AZI2: variants seen among roughly 807,000 people sequenced by gnomAD.
The protein encoded by AZI2 is 5-azacytidine induced 2, also known as 5-azacytidine-induced protein 2.
AZI2 carries 22 observed loss-of-function variants against 45.8 expected under a neutral mutation model. The observed-to-expected ratio is 0.48, with a 90% CI of 0.34 to 0.69. The LOEUF (loss-of-function observed/expected upper bound fraction) is 0.69, where lower values mean the gene tolerates loss of function less well. AZI2 is among the 30% of genes least tolerant of loss of function. The probability of loss-of-function intolerance (pLI) is 0.01; values close to 1 mark genes in which losing one functional copy is unlikely to be tolerated. For missense variants in AZI2, 417 were observed against 441.5 expected, an observed-to-expected ratio of 0.94 and a Z score of 0.50; for synonymous variants, 137 against 156.7, an observed-to-expected ratio of 0.87 and a Z score of 0.94.
chr3:28,333,168 T>C (rs151252876), intron 5 of AZI2, among the ~76,000 whole-genome samples: 1 of 151,806 alleles, frequency 6.6e-6, no homozygotes, highest in African/African-American at 2.4e-5. Context: ...AATTTTAATT[T>C]TATTATTTCT....
intron 6 of AZI2, among the ~76,000 whole-genome samples, chr3:28,328,190 G>A (rs1703450997): frequency 6.6e-6 from 1 of 150,892 alleles, no homozygotes; most frequent in Admixed American, 6.6e-5. Flanking sequence ...GTTTTTAATA[G>A]GTGTCAAATA....
intron 1 of AZI2, among the ~76,000 whole-genome samples, chr3:28,346,918 G>C (rs1380649557): frequency 6.6e-6 from 1 of 152,040 alleles, no homozygotes; most frequent in Non-Finnish European, 1.5e-5. Context: ...ACAATATGAA[G>C]AAAAACTCCA....
chr3:28,335,113 T>G (rs1703737871), intron 5 of AZI2, among the ~76,000 whole-genome samples: 1 of 151,982 alleles, frequency 6.6e-6, no homozygotes, highest in Non-Finnish European at 1.5e-5. Flanking sequence ...TAATTTAACC[T>G]TCATGAAAAA....
intron 7 of AZI2, 105 bp downstream of exon 7, chr3:28,326,727 G>T: frequency 1.1e-6 from 1 of 880,804 alleles, no homozygotes. Flanking sequence ...TATATACTTT[G>T]GCTTATCAAT....
chr3:28,343,645 C>T (rs963107199), intron 1 of AZI2, among the ~76,000 whole-genome samples: 2 of 151,960 alleles, frequency 1.3e-5, no homozygotes, highest in Non-Finnish European at 2.9e-5. Flanking sequence ...AAAATCTTAT[C>T]AAACTCATCT....
intron 7 of AZI2, 49 bp from the exon 8 acceptor site, chr3:28,324,503 C>A: frequency 7.2e-7 from 1 of 1,388,982 alleles, no homozygotes; most frequent in South Asian, 2.1e-5. Flanking sequence ...CATTTGTGAT[C>A]ATAAAATTCG....
intron 7 of AZI2, 76 bp downstream of exon 7, chr3:28,326,756 T>C (rs759289220): frequency 9.2e-7 from 1 of 1,082,582 alleles, no homozygotes; most frequent in South Asian, 1.3e-5. Flanking sequence ...TGATGAGATT[T>C]TGATAAGATA....
chr3:28,338,503 A>G lies in AZI2; in HGVS notation c.329T>C (p.Leu110Pro), dbSNP rs1346286545. ...CIDRDNLKSK[L>P]DKMNKDNSES... is the part of the protein sequence containing the mutation. The stretch of plus-strand genomic sequence containing the variant: ...TTCAAATCAACTTACCATTTTGTCC[A>G]GTTTGCTCTTCAAATTATCTCTATC... Residue 110 changes from leucine (L) to proline (P), a missense_variant, in exon 3 of 8, where the codon CTG becomes CCG. Coordinates refer to ENST00000479665, the MANE Select transcript of AZI2 (RefSeq NM_022461.5). 3.2e-6 allele frequency: 5 copies of G among 1,570,898 alleles called. No individual in the cohort carries two copies. Among genetic ancestry groups the G allele is most frequent in the Middle Eastern group, 1.7e-4 (1 of 5,902 alleles).
chr3:28,329,177 G>A (rs7643610), intron 6 of AZI2, among the ~76,000 whole-genome samples: 1 of 151,044 alleles, frequency 6.6e-6, no homozygotes, highest in Non-Finnish European at 1.5e-5. Flanking sequence ...AATAATGATG[G>A]CTGAGCACTT....
At chr3:28,326,809 G>T in intron 7 of AZI2, 23 bp downstream of exon 7, 1 of 1,554,198 alleles carries the variant, frequency 6.4e-7, no homozygotes. Context: ...GGAATCAGTG[G>T]TTTCCGGTAA....
At chr3:28,338,133 T>C in intron 3 of AZI2, 97 bp from the exon 4 acceptor site, 1 of 609,340 alleles carries the variant, frequency 1.6e-6, no homozygotes, top group Non-Finnish European at 2.5e-6. Context: ...CACATTCTTG[T>C]CTTTAAAAGC....
At chr3:28,328,491 GAA>G (rs960235484) in intron 6 of AZI2, among the ~76,000 whole-genome samples, 1 of 151,092 alleles carries the variant, frequency 6.6e-6, no homozygotes, top group African/African-American at 2.4e-5. Flanking sequence ...TTAGAGAAAA[GAA>G]GAGCAAATAC....
rs1048763786 is a variant in AZI2 at position 28,336,802 on chromosome 3, C to T, written c.523G>A (p.Glu175Lys). Residue 175 changes from glutamate to lysine, a missense_variant, in exon 5 of 8, where the codon GAG becomes AAG. Transcript: ENST00000479665. The part of the protein sequence containing the change: ...CDLKIHGLEQ[E>K]LELMRKECSD... ...CATTCTTTCCTCATCAGTTCCAGCT[C>T]TTGTTCCAAACCATGGATCTTCAGG... 9 of 1,613,310 alleles carry T rather than the reference C, an allele frequency of 5.6e-6. No homozygotes were observed. The highest frequency in any genetic ancestry group is 7.6e-6 in the Non-Finnish European group (9 of 1,179,660).
intron 1 of AZI2, among the ~76,000 whole-genome samples, chr3:28,343,717 T>C (rs886597133): frequency 6.6e-6 from 1 of 152,002 alleles, no homozygotes; most frequent in South Asian, 2.1e-4. Flanking sequence ...ACTTAATTAG[T>C]ATGAACCAGG....
chr3:28,339,226 C>A (rs1703917531), intron 2 of AZI2, among the ~76,000 whole-genome samples: 1 of 152,118 alleles, frequency 6.6e-6, no homozygotes, highest in Non-Finnish European at 1.5e-5. Context: ...AATCCACCCA[C>A]CTCGGCCTCC....
intron 3 of AZI2, among the ~76,000 whole-genome samples, 199 bp from the exon 4 acceptor site, chr3:28,338,235 A>G (rs74453982): frequency 6.6e-6 from 1 of 151,726 alleles, no homozygotes; most frequent in Admixed American, 6.6e-5. Context: ...AAAAAAAAAA[A>G]GACTAAATCT....
At chr3:28,324,709 G>C (rs1298218989) in intron 7 of AZI2, 1 of 330,046 alleles carries the variant, frequency 3.0e-6, no homozygotes, top group Non-Finnish European at 5.5e-6. Context: ...CTGCAGAATG[G>C]ATATAGAATT....
At chr3:28,325,065 T>G (rs1703334564) in intron 7 of AZI2, 1 of 148,868 alleles carries the variant, frequency 6.7e-6, no homozygotes, top group South Asian at 2.1e-4. Context: ...ATTTGTGAAA[T>G]CTTGTTTCTT....
Position 28,348,807 on chromosome 3 carries a change from G to C in AZI2, c.-212C>G, listed in dbSNP as rs960831164. Reference sequence around the variant, plus strand: ...ATTTCTTCTGACTCGGCAGGAGCCCGGGACGTTCTGGAAGGAGGGACGAGC... The same window carrying C: ...ATTTCTTCTGACTCGGCAGGAGCCCCGGACGTTCTGGAAGGAGGGACGAGC... On this transcript the variant is annotated 5_prime_UTR_variant, in exon 1 of 8. Coordinates refer to ENST00000479665, the MANE Select transcript of AZI2 (RefSeq NM_022461.5). The C allele has an allele frequency of 1.1e-5, 3 of 281,166 alleles. No individual in the cohort carries two copies. The highest frequency in any genetic ancestry group is 1.6e-5 in the Non-Finnish European group (3 of 185,826). The allele number at this position is 281,166 out of a possible 1,614,324, so 17.4% of individuals were successfully genotyped here. A position where few individuals can be genotyped will look rare whatever the true frequency, so the allele number is the denominator to read the frequency against.
Sources: allele counts gnomAD v4.1 joint callset (sites outside exome capture counted in the v4.1 genomes callset), GRCh38; gene constraint gnomAD v4.1.1; transcripts MANE v1.5; gene names NCBI Gene and HGNC (gene_info 2026-07-23, HGNC 2026-07-21).